Variants in CUX1 observed in about 807,000 individuals in gnomAD.
CUX1 encodes protein CASP.
Under a neutral mutation model 158.8 loss-of-function variants are expected in CUX1, and 31 were observed. The observed-to-expected ratio is 0.20, with a 90% CI of 0.15 to 0.26. The LOEUF (loss-of-function observed/expected upper bound fraction) is 0.26. Among genes scored for constraint, CUX1 ranks in the 10% least tolerant of loss-of-function variants. The pLI is 1.00. For missense variants in CUX1, 1,589 were observed against 2,014.6 expected, an observed-to-expected ratio of 0.79 and a Z score of 4.04; for synonymous variants, 879 against 862.1, an observed-to-expected ratio of 1.02 and a Z score of -0.34.
intron 9 of CUX1, among the ~76,000 whole-genome samples, chr7:102,168,916 TTCTTTTCTTTTCTTTTATTTTC>T (rs1554509606): frequency 1.5e-4 from 12 of 78,146 alleles, no homozygotes; most frequent in African/African-American, 1.1e-3. Flanking sequence ...TTCTTTTATT[TTCTTTTCTTTTCTTTTATTTTC>T]TTTTTTTTTT....
intron 1 of CUX1, among the ~76,000 whole-genome samples, chr7:101,905,509 T>G (rs187087733): frequency 3.3e-5 from 5 of 152,316 alleles, no homozygotes; most frequent in Admixed American, 1.3e-4. Context: ...GCTGGTCCCT[T>G]GGATCAGAAA....
At chr7:101,857,898 G>T (rs1275646689) in intron 1 of CUX1, among the ~76,000 whole-genome samples, 2 of 152,178 alleles carry the variant, frequency 1.3e-5, no homozygotes, top group African/African-American at 4.8e-5. Context: ...CGAAGTGGGA[G>T]GATCACTTGA....
At chr7:101,901,825 G>A (rs973122635) in intron 1 of CUX1, among the ~76,000 whole-genome samples, 2 of 152,198 alleles carry the variant, frequency 1.3e-5, no homozygotes, top group African/African-American at 4.8e-5. Context: ...TGTTCTCCTC[G>A]CGAAGGGGAA....
At chr7:101,839,786 G>C (rs548040840) in intron 1 of CUX1, among the ~76,000 whole-genome samples, 41 of 151,856 alleles carry the variant, frequency 2.7e-4, no homozygotes, top group African/African-American at 9.9e-4. Flanking sequence ...TTTTGAGACA[G>C]AGTTTGCTCT....
intron 22 of CUX1, among the ~76,000 whole-genome samples, chr7:102,235,771 G>A (rs1267202958): frequency 7.1e-3 from 58 of 8,118 alleles, no homozygotes; most frequent in African/African-American, 0.03. Flanking sequence ...CCCCACCCCC[G>A]TCCCCGCCAC....
chr7:101,867,712 T>G (rs1371025381), intron 1 of CUX1, among the ~76,000 whole-genome samples: 1 of 152,146 alleles, frequency 6.6e-6, no homozygotes, highest in African/African-American at 2.4e-5. Flanking sequence ...TGTTGATGCA[T>G]CTCCATGTTA....
chr7:102,019,794 G>A (rs544535321), intron 2 of CUX1, among the ~76,000 whole-genome samples: 1 of 152,322 alleles, frequency 6.6e-6, no homozygotes, highest in East Asian at 1.9e-4. Context: ...ACATTTAAAT[G>A]GGAAGAAATT....
At position 102,248,361 on chromosome 7, in the gene CUX1, C is replaced by A; in HGVS notation, c.3888-51C>A. On this transcript the variant is annotated intron_variant, in intron 23 of 23. Transcript: ENST00000292535. This position sits in a 1 kb window ranked among gnomAD's most constrained non-coding sequence, Gnocchi z 5.8. The stretch of plus-strand genomic sequence containing the variant: ...GTCTGGCTGGGGTAGCACCAGAGGC[C>A]CTTTCCCCAGCAGCACCCCCCTCAC... The A allele has an allele frequency of 1.3e-6, 2 of 1,497,530 alleles. No individual in the cohort carries two copies. Among genetic ancestry groups the A allele is most frequent in the South Asian group, 1.2e-5 (1 of 83,480 alleles). 92.8% of individuals were successfully genotyped at this position (1,497,530 alleles called of 1,614,324 possible).
At chr7:101,908,502 T>A (rs1284950803) in intron 1 of CUX1, among the ~76,000 whole-genome samples, 1 of 150,506 alleles carries the variant, frequency 6.6e-6, no homozygotes, top group Non-Finnish European at 1.5e-5. Context: ...AGAGACAGAG[T>A]TTCACTGTGT....
intron 2 of CUX1, among the ~76,000 whole-genome samples, chr7:101,927,077 C>T (rs190140239): frequency 5.9e-5 from 9 of 152,118 alleles, no homozygotes; most frequent in Admixed American, 3.3e-4. Flanking sequence ...GGCGAAGGTA[C>T]TTTGGGGAGT....
upstream of CUX1, chr7:101,817,408 G>A (rs2130864009): frequency 3.0e-6 from 3 of 984,628 alleles, no homozygotes; most frequent in Non-Finnish European, 3.6e-6. This position sits in a 1 kb window ranked among gnomAD's most constrained non-coding sequence, Gnocchi z 4.1. Context: ...GAGCCCCGGG[G>A]GCCCGTTGGG....
chr7:101,933,994 T>G (rs925210286), intron 2 of CUX1, among the ~76,000 whole-genome samples: 5 of 152,226 alleles, frequency 3.3e-5, no homozygotes, highest in Non-Finnish European at 7.3e-5. Context: ...GGAAGTTTGC[T>G]TTGTTTGATC....
At chr7:101,899,262 C>A (rs1043162016) in intron 1 of CUX1, among the ~76,000 whole-genome samples, 2 of 152,136 alleles carry the variant, frequency 1.3e-5, no homozygotes, top group African/African-American at 4.8e-5. Flanking sequence ...CAAGAAATCA[C>A]AGGAGGCTGG....
Position 102,198,606 on chromosome 7 carries a change from G to A in CUX1, c.1895-196G>A, listed in dbSNP as rs116398754. On this transcript the variant is annotated intron_variant, in intron 15 of 23. Coordinates refer to ENST00000292535, the MANE Select transcript of CUX1 (RefSeq NM_181552.4). ...TAGATTTCCCCCATCTCCTTTTGCA[G>A]CAGAGCCACGGCCTCTGCGGGCCGG... Among the ~76,000 whole-genome samples, 429 of 152,332 alleles carry A rather than the reference G, an allele frequency of 2.8e-3. 3 individuals carry two copies. Among genetic ancestry groups the A allele is most frequent in the African/African-American group, 0.01 (418 of 41,568 alleles).
chr7:102,275,404 C>A, intron 17 of CUX1: 1 of 1,452,520 alleles, frequency 6.9e-7, no homozygotes, highest in Non-Finnish European at 9.6e-7. Context: ...GGCCCAAGGA[C>A]ACAGTTGGGG....
Position 102,255,858 on chromosome 7 carries a change from T to C in CUX1, c.*6816T>C. ...TTTTATTATTTTTTTTGTACTTTGC[T>C]TTAAACGGAAAGCACTTAAATAGAT... On this transcript the variant is annotated 3_prime_UTR_variant, in exon 24 of 24. Transcript: ENST00000292535. 6 of 984,832 alleles carry C rather than the reference T, an allele frequency of 6.1e-6. No homozygotes were observed. The highest frequency in any genetic ancestry group is 7.2e-6 in the Non-Finnish European group (6 of 829,378). 61.0% of individuals were successfully genotyped at this position (984,832 alleles called of 1,614,324 possible).
chr7:102,080,733 C>A (rs782584461), intron 4 of CUX1, among the ~76,000 whole-genome samples: 4 of 152,202 alleles, frequency 2.6e-5, no homozygotes, highest in Admixed American at 6.5e-5. Context: ...TTCTGAGATC[C>A]AGCCATGTGT....
chr7:101,978,784 T>C (rs1444274600), intron 2 of CUX1, among the ~76,000 whole-genome samples: 2 of 152,242 alleles, frequency 1.3e-5, no homozygotes, highest in African/African-American at 2.4e-5. Context: ...TCACCCGGAA[T>C]TCCAGCTACT....
intron 11 of CUX1, among the ~76,000 whole-genome samples, chr7:102,179,401 G>A (rs1367381266): frequency 6.6e-6 from 1 of 152,138 alleles, no homozygotes; most frequent in African/African-American, 2.4e-5. Context: ...CCCTACAGGA[G>A]GAGCTGGTGT....
Sources: gnomAD v4.1 joint callset for allele counts (sites outside exome capture counted in the v4.1 genomes callset) on GRCh38, gnomAD v4.1.1 for gene constraint, Gnocchi (gnomAD v3.1) non-coding constraint, MANE v1.5 for transcripts, NCBI Gene and HGNC (gene_info 2026-07-23, HGNC 2026-07-21) for gene names.